The following GAP43 variants were observed in gnomAD, a reference collection of about 807,000 sequenced individuals.
The protein encoded by GAP43 is neuromodulin.
A neutral mutation model predicts 18.6 loss-of-function variants in GAP43; 6 were observed. The observed-to-expected ratio is 0.32, with a 90% CI of 0.18 to 0.64. The LOEUF (loss-of-function observed/expected upper bound fraction) is 0.64. Among genes scored for constraint, GAP43 ranks in the 30% least tolerant of loss-of-function variants. The pLI is 0.78. For missense variants in GAP43, 292 were observed against 295.5 expected, an observed-to-expected ratio of 0.99 and a Z score of 0.09; for synonymous variants, 115 against 111.4, an observed-to-expected ratio of 1.03 and a Z score of -0.20.
chr3:115,698,498 G>T (rs1344341555), intron 2 of GAP43, among the ~76,000 whole-genome samples: 1 of 150,138 alleles, frequency 6.7e-6, no homozygotes, highest in Non-Finnish European at 1.5e-5. Flanking sequence ...AGAACACTGT[G>T]AGACAAACAA....
At chr3:115,718,871 T>A (rs533021280) in intron 2 of GAP43, among the ~76,000 whole-genome samples, 1 of 152,190 alleles carries the variant, frequency 6.6e-6, no homozygotes, top group Non-Finnish European at 1.5e-5. Context: ...TCCATAAATT[T>A]GTTTAATAAT....
At chr3:115,670,408 T>C (rs1193711892) in intron 1 of GAP43, among the ~76,000 whole-genome samples, 1 of 152,136 alleles carries the variant, frequency 6.6e-6, no homozygotes, top group African/African-American at 2.4e-5. Context: ...GTTGGACATT[T>C]CATCTTTTTA....
At chr3:115,637,586 TTATACTTGC>T (rs1425030192) in intron 1 of GAP43, among the ~76,000 whole-genome samples, 1 of 152,092 alleles carries the variant, frequency 6.6e-6, no homozygotes, top group Admixed American at 6.6e-5. Context: ...CGTTTTGTCC[TTATACTTGC>T]ATGTTCTTAC....
At chr3:115,698,105 TAA>T (rs1293353446) in intron 2 of GAP43, among the ~76,000 whole-genome samples, 22 of 41,946 alleles carry the variant, frequency 5.2e-4, no homozygotes, top group South Asian at 2.6e-3. Flanking sequence ...ATATAATATA[TAA>T]AATATATAAT....
chr3:115,637,764 C>T (rs961751727), intron 1 of GAP43, among the ~76,000 whole-genome samples: 2 of 151,880 alleles, frequency 1.3e-5, no homozygotes, highest in African/African-American at 4.8e-5. Context: ...CCGCAGGAAC[C>T]CCAATCTCAA....
intron 1 of GAP43, among the ~76,000 whole-genome samples, chr3:115,659,427 T>G (rs2107479846): frequency 6.6e-6 from 1 of 152,288 alleles, no homozygotes; most frequent in African/African-American, 2.4e-5. Flanking sequence ...GAGATGATTG[T>G]AGACGTGGCC....
At chr3:115,668,324 C>A (rs1371985810) in intron 1 of GAP43, among the ~76,000 whole-genome samples, 2 of 152,118 alleles carry the variant, frequency 1.3e-5, no homozygotes, top group African/African-American at 4.8e-5. Flanking sequence ...ACTAGTTATT[C>A]CCAGCCTACT....
intron 2 of GAP43, among the ~76,000 whole-genome samples, chr3:115,688,003 T>TTAA: frequency 1.5e-5 from 2 of 130,990 alleles, no homozygotes; most frequent in Non-Finnish European, 3.3e-5. Flanking sequence ...ACGAAATTTT[T>TTAA]TTATTATTTA....
chr3:115,632,594 A>C lies in GAP43; in HGVS notation c.30+8875A>C, dbSNP rs527334002. On this transcript the variant is annotated intron_variant, in intron 1 of 2. Coordinates refer to ENST00000305124, the MANE Select transcript of GAP43 (RefSeq NM_002045.4). ...TATAAGCACAGAATTCTACAAACCA[A>C]AGAAACTGAGTTTTTAAACATATGG... is the stretch of plus-strand genomic sequence containing the variant. Among the ~76,000 whole-genome samples, 6 of 152,296 alleles carry C rather than the reference A, an allele frequency of 3.9e-5. No individual in the cohort carries two copies. The South Asian group carries it at 8.3e-4, about 21-fold the overall frequency.
chr3:115,667,139 G>C (rs1348005093), intron 1 of GAP43, among the ~76,000 whole-genome samples: 5 of 152,090 alleles, frequency 3.3e-5, no homozygotes, highest in South Asian at 2.1e-4. Context: ...TTTTTTTTTA[G>C]TATCAACTAT....
rs932748985 is a variant in GAP43 at position 115,650,896 on chromosome 3, A to C, written c.31-25117A>C. On this transcript the variant is annotated intron_variant, in intron 1 of 2. Transcript: ENST00000305124. ...GTAATCTCAGCACTTTGGAAGGCCA[A>C]GGTGGGAGGATTTTTTTGAGCCCAG... 2.0e-5 allele frequency among the ~76,000 whole-genome samples: 3 copies of C among 152,128 alleles called. No individual in the cohort carries two copies. The East Asian group carries it at 5.8e-4, about 29-fold the overall frequency.
At chr3:115,653,361 G>GA (rs1327048004) in intron 1 of GAP43, among the ~76,000 whole-genome samples, 7 of 152,138 alleles carry the variant, frequency 4.6e-5, no homozygotes, top group Non-Finnish European at 7.3e-5. Context: ...AGAATCACTT[G>GA]AACCTAGGAG....
intron 1 of GAP43, among the ~76,000 whole-genome samples, chr3:115,656,491 C>T (rs1320836456): frequency 6.6e-6 from 1 of 152,112 alleles, no homozygotes; most frequent in African/African-American, 2.4e-5. Flanking sequence ...TTAAACAAGC[C>T]TCTTTGGTGT....
intron 1 of GAP43, chr3:115,663,616 A>G: frequency 7.5e-7 from 1 of 1,338,648 alleles, no homozygotes; most frequent in African/African-American, 1.5e-5. Flanking sequence ...TCACAGCATC[A>G]CCTGGGTGAC....
At chr3:115,662,489 C>G (rs538098615) in intron 1 of GAP43, among the ~76,000 whole-genome samples, 7 of 152,214 alleles carry the variant, frequency 4.6e-5, no homozygotes, top group African/African-American at 1.4e-4. Flanking sequence ...TATGTAGTAA[C>G]TGTCAAATTG....
intron 2 of GAP43, among the ~76,000 whole-genome samples, chr3:115,717,890 G>C (rs1470584320): frequency 6.6e-6 from 1 of 152,114 alleles, no homozygotes; most frequent in Non-Finnish European, 1.5e-5. Context: ...CTAGGACCAG[G>C]CAATGGATGA....
At chr3:115,663,848 A>G (rs1328587894) in intron 1 of GAP43, 1 of 1,552,070 alleles carries the variant, frequency 6.4e-7, no homozygotes, top group Non-Finnish European at 8.7e-7. Context: ...AGGCTTGAGG[A>G]AAAATCTTCA....
intron 2 of GAP43, among the ~76,000 whole-genome samples, chr3:115,714,607 A>G (rs1260505864): frequency 1.3e-5 from 2 of 152,190 alleles, no homozygotes; most frequent in African/African-American, 4.8e-5. Context: ...CCATTTGAAA[A>G]ATTTGTGTCT....
intron 1 of GAP43, among the ~76,000 whole-genome samples, chr3:115,659,384 G>T (rs1258627610): frequency 2.0e-5 from 3 of 152,054 alleles, no homozygotes; most frequent in African/African-American, 4.8e-5. Context: ...TCTTTTTCGG[G>T]GGGGAGGGTA....
Sources: allele counts gnomAD v4.1 joint callset (sites outside exome capture counted in the v4.1 genomes callset), GRCh38; gene constraint gnomAD v4.1.1; transcripts MANE v1.5; gene names NCBI Gene and HGNC (gene_info 2026-07-23, HGNC 2026-07-21).